Variants in CLVS2 observed in about 807,000 individuals in gnomAD.
CLVS2 encodes clavesin 2.
Under a neutral mutation model 29.0 loss-of-function variants are expected in CLVS2, and 19 were observed. The ratio of observed to expected loss-of-function variants is 0.66; its 90% CI spans 0.46 to 0.96. The LOEUF (loss-of-function observed/expected upper bound fraction) is 0.96. Among genes scored for constraint, CLVS2 ranks in the 40% least tolerant of loss-of-function variants. The probability of loss-of-function intolerance (pLI) is 0.00; values close to 1 mark genes in which losing one functional copy is unlikely to be tolerated. For synonymous variants in CLVS2, 161 were observed against 151.3 expected, an observed-to-expected ratio of 1.06 and a Z score of -0.47; for missense variants, 294 against 404.1, an observed-to-expected ratio of 0.73 and a Z score of 2.34.
At position 123,051,336 on chromosome 6, in the gene CLVS2, C is replaced by T. The variant is rs75204612; in HGVS notation, c.675+2604C>T. 3.4e-3 allele frequency among the ~76,000 whole-genome samples: 524 copies of T among 152,178 alleles called. 2 individuals carry two copies. The highest frequency in any genetic ancestry group is 0.01 in the Middle Eastern group (3 of 294). Reference sequence around the variant, plus strand: ...CACCCTTAGTACAGGTGTCCTTTTCCCTCAAAAGCTCACCAGTATCTGGAG... The same window carrying T: ...CACCCTTAGTACAGGTGTCCTTTTCTCTCAAAAGCTCACCAGTATCTGGAG... On this transcript the variant is annotated intron_variant, in intron 4 of 5. Coordinates refer to ENST00000275162, the MANE Select transcript of CLVS2 (RefSeq NM_001010852.4).
rs945210999 is a variant in CLVS2, at chr6:123,069,570, T to C, written c.*5809T>C. On this transcript the variant is annotated 3_prime_UTR_variant, in exon 6 of 6. Transcript: ENST00000275162. Reference sequence around the variant, plus strand: ...AGAGGATTTTCTTTACACAGGATTCTTGAGGTTATCAAGAATCGTTATTGC... The same window carrying C: ...AGAGGATTTTCTTTACACAGGATTCCTGAGGTTATCAAGAATCGTTATTGC... 5.3e-5 allele frequency: 8 copies of C among 151,816 alleles called. No individual in the cohort carries two copies. Among genetic ancestry groups the C allele is most frequent in the Non-Finnish European group, 1.0e-4 (7 of 67,834 alleles). 9.4% of individuals were successfully genotyped at this position (151,816 alleles called of 1,614,324 possible). A position where few individuals can be genotyped will look rare whatever the true frequency, so the allele number is the denominator to read the frequency against.
At chr6:123,048,502 T>G (rs201806820) in intron 3 of CLVS2, 120 bp from the exon 4 acceptor site, 1 of 637,974 alleles carries the variant, frequency 1.6e-6, no homozygotes, top group East Asian at 2.6e-5. Flanking sequence ...TCTCCTTAAC[T>G]CCACAGATAA....
At chr6:123,048,486 C>T in intron 3 of CLVS2, 136 bp from the exon 4 acceptor site, 1 of 574,590 alleles carries the variant, frequency 1.7e-6, no homozygotes, top group Non-Finnish European at 3.1e-6. Context: ...TAAGGTTCTT[C>T]TTTTCTCTCC....
chr6:123,048,873 T>G (rs145616239), intron 4 of CLVS2, 141 bp downstream of exon 4: 25 of 586,380 alleles, frequency 4.3e-5, no homozygotes, highest in Admixed American at 6.7e-5. Context: ...TTAAGATTCT[T>G]CCAGATTTTG....
At position 123,063,946 on chromosome 6, in the gene CLVS2, A is replaced by T. The variant is rs1772816043; in HGVS notation, c.*185A>T. On this transcript the variant is annotated 3_prime_UTR_variant, in exon 6 of 6. Transcript: ENST00000275162. ...GGGGGCCCTGGGCTGGATTTTTAAA[A>T]TGTCAATAATTTATTCTGTAAGTGC... The T allele has an allele frequency of 2.2e-6, 1 of 448,878 alleles. No homozygotes were observed. Among genetic ancestry groups the T allele is most frequent in the Admixed American group, 4.1e-5 (1 of 24,652 alleles). 27.8% of individuals were successfully genotyped at this position (448,878 alleles called of 1,614,324 possible). A position where few individuals can be genotyped will look rare whatever the true frequency, so the allele number is the denominator to read the frequency against.
intron 3 of CLVS2, among the ~76,000 whole-genome samples, chr6:123,024,608 C>T (rs1244161381): frequency 2.0e-5 from 3 of 151,964 alleles, no homozygotes; most frequent in Non-Finnish European, 4.4e-5. Context: ...GAGGCCATAC[C>T]CTGGAGGGTT....
chr6:123,034,267 T>C, intron 3 of CLVS2, among the ~76,000 whole-genome samples: 1 of 152,154 alleles, frequency 6.6e-6, no homozygotes, highest in South Asian at 2.1e-4. Flanking sequence ...CAGACATTTA[T>C]AGTGGCTTCA....
chr6:123,036,529 C>CA (rs757906602), intron 3 of CLVS2, among the ~76,000 whole-genome samples: 9 of 152,128 alleles, frequency 5.9e-5, no homozygotes, highest in Admixed American at 2.0e-4. Flanking sequence ...GTAATGATCC[C>CA]AAGCTGAACG....
At chr6:123,034,843 A>G (rs1775128912) in intron 3 of CLVS2, among the ~76,000 whole-genome samples, 1 of 152,130 alleles carries the variant, frequency 6.6e-6, no homozygotes, top group Non-Finnish European at 1.5e-5. Context: ...GCATGGGACC[A>G]CACCCAGCTC....
At chr6:123,045,872 A>C (rs1184031799) in intron 3 of CLVS2, among the ~76,000 whole-genome samples, 2 of 152,176 alleles carry the variant, frequency 1.3e-5, no homozygotes, top group Non-Finnish European at 2.9e-5. Context: ...AGATCAAAAA[A>C]ACTTCCTGGA....
chr6:123,041,961 G>A (rs1163575106), intron 3 of CLVS2, among the ~76,000 whole-genome samples: 1 of 152,052 alleles, frequency 6.6e-6, no homozygotes, highest in African/African-American at 2.4e-5. Context: ...TTCAAAAATT[G>A]AATATTCTAA....
At chr6:123,042,555 C>A (rs543562149) in intron 3 of CLVS2, among the ~76,000 whole-genome samples, 1 of 152,264 alleles carries the variant, frequency 6.6e-6, no homozygotes, top group East Asian at 1.9e-4. Context: ...AGGATGAAAT[C>A]TTTTGTTTTC....
Position 123,035,322 on chromosome 6 carries a change from A to G in CLVS2, c.565-13300A>G, listed in dbSNP as rs561926943. 4.6e-5 allele frequency among the ~76,000 whole-genome samples: 7 copies of G among 152,174 alleles called. No homozygotes were observed. In the South Asian group the frequency reaches 1.0e-3, roughly 23 times the overall value. ...ATGGAACTTACCATTGGGTACACACATACATACCCATACAAACATGAACAC... is the reference window on the plus strand; with the variant it reads ...ATGGAACTTACCATTGGGTACACACGTACATACCCATACAAACATGAACAC... On this transcript the variant is annotated intron_variant, in intron 3 of 5. Coordinates refer to ENST00000275162, the MANE Select transcript of CLVS2 (RefSeq NM_001010852.4).
rs77836990 is a variant in CLVS2, at chr6:123,031,795, CT to C, written c.565-16815del. Among the ~76,000 whole-genome samples the C allele has an allele frequency of 6.7e-3, 960 of 143,968 alleles. 4 individuals are homozygous for C. Among genetic ancestry groups the C allele is most frequent in the African/African-American group, 0.016 (613 of 39,542 alleles). 94.4% of individuals were successfully genotyped at this position (143,968 alleles called of 152,430 possible). A position where few individuals can be genotyped will look rare whatever the true frequency, so the allele number is the denominator to read the frequency against. ...TGTATTGGAAGTCTACCAGTAGTAC[CT>C]TTTTTTTTTTTAATTGCCTTAGCCT... On this transcript the variant is annotated intron_variant, in intron 3 of 5. Transcript: ENST00000275162.
Position 122,998,066 on chromosome 6 carries a change from A to C in CLVS2, c.289A>C (p.Lys97Gln), listed in dbSNP as rs1774538214. ...KSFKATDPGI[K>Q]QALKDGFPGG... is the part of the protein sequence containing the mutation. Reference sequence around the variant, plus strand: ...CTTTAAGGCCACCGACCCTGGCATCAAGCAGGCACTGAAGGATGGCTTCCC... The same window carrying C: ...CTTTAAGGCCACCGACCCTGGCATCCAGCAGGCACTGAAGGATGGCTTCCC... The change falls in exon 2 of 6, where the codon AAG (lysine) becomes CAG (glutamine). Residue 97 changes from lysine (K) to glutamine (Q), a missense_variant. This residue lies in a region of CLVS2 where 212 missense variants were observed against 336.4 expected (regional missense o/e 0.63). Transcript: ENST00000275162. The C allele has an allele frequency of 6.2e-7, 1 of 1,614,050 alleles. No individual in the cohort carries two copies. Among genetic ancestry groups the C allele is most frequent in the Non-Finnish European group, 8.5e-7 (1 of 1,180,042 alleles).
intron 3 of CLVS2, among the ~76,000 whole-genome samples, chr6:123,027,631 G>A (rs919298517): frequency 3.3e-5 from 5 of 152,060 alleles, no homozygotes; most frequent in African/African-American, 1.2e-4. Flanking sequence ...CATTCTCTCT[G>A]GTCCACTGGT....
chr6:123,012,488 T>C (rs900036117), intron 3 of CLVS2, among the ~76,000 whole-genome samples: 12 of 151,776 alleles, frequency 7.9e-5, no homozygotes, highest in African/African-American at 2.7e-4. Context: ...TATTTTTCTT[T>C]CCCAAGAAAT....
intron 3 of CLVS2, among the ~76,000 whole-genome samples, chr6:123,028,846 G>A (rs898412473): frequency 3.3e-5 from 5 of 151,860 alleles, no homozygotes; most frequent in South Asian, 2.1e-4. Flanking sequence ...TTCTAAACTC[G>A]CAACATTTTG....
intron 2 of CLVS2, among the ~76,000 whole-genome samples, chr6:123,008,473 G>T: frequency 6.6e-6 from 1 of 151,992 alleles, no homozygotes; most frequent in East Asian, 1.9e-4. Context: ...CTGGTACCTT[G>T]ATTAATTTTT....
Sources: gnomAD v4.1 joint callset for allele counts (sites outside exome capture counted in the v4.1 genomes callset) on GRCh38, gnomAD v4.1.1 for gene constraint, gnomAD v4.1.1 regional missense constraint, MANE v1.5 for transcripts, NCBI Gene and HGNC (gene_info 2026-07-23, HGNC 2026-07-21) for gene names.